GRIP1: variants seen among roughly 807,000 people sequenced by gnomAD.
The protein encoded by GRIP1 is glutamate receptor interacting protein 1.
Under a neutral mutation model 129.9 loss-of-function variants are expected in GRIP1, and 45 were observed. The observed-to-expected ratio is 0.35, with a 90% CI of 0.27 to 0.44. The LOEUF (loss-of-function observed/expected upper bound fraction) is 0.44, where lower values mean the gene tolerates loss of function less well. Ranked by LOEUF, GRIP1 falls within the 20% of genes least tolerant of loss-of-function variation. The pLI is 1.00. For synonymous variants in GRIP1, 530 were observed against 520.8 expected (o/e 1.02, Z -0.24); for missense variants, 1,196 against 1,396.8 (o/e 0.86, Z 2.29).
At chr12:66,954,853 C>T (rs182054558) in intron 1 of GRIP1, among the ~76,000 whole-genome samples, 4 of 151,534 alleles carry the variant, frequency 2.6e-5, no homozygotes, top group African/African-American at 7.3e-5. Context: ...ATGGGGGAGG[C>T]AGTGGGGGTG....
intron 7 of GRIP1, among the ~76,000 whole-genome samples, chr12:66,481,252 G>C (rs1023715126): frequency 1.4e-5 from 2 of 138,772 alleles, no homozygotes; most frequent in African/African-American, 2.7e-5. Context: ...AAATTCACAA[G>C]AAAAAAAAAG....
At chr12:66,708,661 A>G (rs2035615245) in intron 1 of GRIP1, among the ~76,000 whole-genome samples, 1 of 151,928 alleles carries the variant, frequency 6.6e-6, no homozygotes, top group Non-Finnish European at 1.5e-5. Context: ...ATACTTAAAA[A>G]TTATATGCAT....
intron 1 of GRIP1, among the ~76,000 whole-genome samples, chr12:66,986,245 T>G (rs1365878858): frequency 1.3e-5 from 2 of 152,110 alleles, no homozygotes; most frequent in African/African-American, 4.8e-5. Context: ...GTAAACTAGT[T>G]CAACCATTAT....
At chr12:67,052,410 T>C (rs547117817) in intron 1 of GRIP1, among the ~76,000 whole-genome samples, 2 of 152,286 alleles carry the variant, frequency 1.3e-5, no homozygotes, top group African/African-American at 4.8e-5. Flanking sequence ...ATTCTATATA[T>C]AGCTATCATT....
intron 19 of GRIP1, among the ~76,000 whole-genome samples, chr12:66,385,596 A>ATTATTTATTTAT (rs149410816): frequency 3.6e-4 from 55 of 151,558 alleles, no homozygotes; most frequent in African/African-American, 1.2e-3. Context: ...TCTCCTTTGG[A>ATTATTTATTTAT]TTATTTATTT....
intron 1 of GRIP1, among the ~76,000 whole-genome samples, chr12:66,889,672 C>T (rs2040624671): frequency 6.6e-6 from 1 of 152,126 alleles, no homozygotes; most frequent in Admixed American, 6.6e-5. Context: ...AAGTTAATAT[C>T]AATTTTCTTA....
chr12:66,516,936 T>C (rs2060862048), intron 6 of GRIP1, among the ~76,000 whole-genome samples: 1 of 152,214 alleles, frequency 6.6e-6, no homozygotes, highest in Non-Finnish European at 1.5e-5. Flanking sequence ...GGCAGTTCTG[T>C]CATCTGTAAA....
intron 1 of GRIP1, among the ~76,000 whole-genome samples, chr12:67,023,082 T>C (rs1242356831): frequency 6.6e-6 from 1 of 152,214 alleles, no homozygotes; most frequent in Non-Finnish European, 1.5e-5. Context: ...TCACAATTAT[T>C]TCCTCTCAGG....
intron 1 of GRIP1, among the ~76,000 whole-genome samples, chr12:66,743,596 T>TTTG (rs1555232438): frequency 7.3e-5 from 11 of 151,418 alleles, no homozygotes; most frequent in East Asian, 1.9e-4. Flanking sequence ...GGCTTTTTTT[T>TTTG]TGTGTGTGTG....
At chr12:66,769,490 T>C (rs902820237) in intron 1 of GRIP1, among the ~76,000 whole-genome samples, 7 of 152,060 alleles carry the variant, frequency 4.6e-5, no homozygotes, top group African/African-American at 1.7e-4. Flanking sequence ...GACCCCAACA[T>C]GAGAAGTGAG....
At chr12:66,702,648 T>C (rs755153591) in intron 1 of GRIP1, among the ~76,000 whole-genome samples, 77 of 152,122 alleles carry the variant, frequency 5.1e-4, no homozygotes, top group Middle Eastern at 3.4e-3. Context: ...AAAGTCTCCC[T>C]AACAAAGCAA....
intron 1 of GRIP1, among the ~76,000 whole-genome samples, chr12:66,612,753 A>G (rs1472085230): frequency 2.0e-5 from 3 of 152,184 alleles, no homozygotes. Context: ...TGTTGCTGAC[A>G]GAAACCTTGT....
chr12:66,776,899 TAA>T (rs140887675), intron 1 of GRIP1, among the ~76,000 whole-genome samples: 1,668 of 152,286 alleles, frequency 0.011, 37 homozygotes, highest in African/African-American at 0.038. Flanking sequence ...CTAGAAAAAT[TAA>T]AAATAGACAT....
intron 1 of GRIP1, among the ~76,000 whole-genome samples, chr12:66,790,491 T>C (rs931540420): frequency 2.0e-5 from 3 of 152,050 alleles, no homozygotes; most frequent in African/African-American, 7.2e-5. Context: ...TGAAATAAAA[T>C]AAAATTAAAC....
intron 7 of GRIP1, among the ~76,000 whole-genome samples, chr12:66,484,494 C>T (rs2059899295): frequency 1.3e-5 from 2 of 152,150 alleles, no homozygotes; most frequent in Admixed American, 1.3e-4. Context: ...ATTATTCAAC[C>T]ATGAAAAAGA....
chr12:66,565,846 T>C, intron 2 of GRIP1, among the ~76,000 whole-genome samples: 1 of 152,336 alleles, frequency 6.6e-6, no homozygotes, highest in East Asian at 1.9e-4. Context: ...TTCATGTCCC[T>C]TGTAAGTGGG....
At chr12:66,420,628 C>G in intron 15 of GRIP1, 92 bp downstream of exon 15, 2 of 776,956 alleles carry the variant, frequency 2.6e-6, no homozygotes. Context: ...TACAGTGACC[C>G]ATTAGAAAGG....
intron 1 of GRIP1, among the ~76,000 whole-genome samples, chr12:66,769,054 T>G (rs535542738): frequency 2.2e-4 from 33 of 152,266 alleles, no homozygotes; most frequent in African/African-American, 7.9e-4. Flanking sequence ...CATCTGGAGC[T>G]CTGTTGAAGA....
intron 1 of GRIP1, among the ~76,000 whole-genome samples, chr12:66,950,796 A>C (rs1157998764): frequency 6.6e-6 from 1 of 152,206 alleles, no homozygotes; most frequent in Non-Finnish European, 1.5e-5. Flanking sequence ...GTTGAATATT[A>C]AAAAGTACAT....
Sources: gnomAD v4.1 joint callset for allele counts (sites outside exome capture counted in the v4.1 genomes callset) on GRCh38, gnomAD v4.1.1 for gene constraint, MANE v1.5 for transcripts, NCBI Gene and HGNC (gene_info 2026-07-23, HGNC 2026-07-21) for gene names.